Variants in ECPAS observed in about 807,000 individuals in gnomAD.
The protein encoded by ECPAS is Ecm29 proteasome adaptor and scaffold, also known as proteasome adapter and scaffold protein ECM29.
A neutral mutation model predicts 255.1 loss-of-function variants in ECPAS; 70 were observed. The ratio of observed to expected loss-of-function variants is 0.27; its 90% confidence interval spans 0.23 to 0.33. The LOEUF is 0.33. Among genes scored for constraint, ECPAS ranks in the 10% least tolerant of loss-of-function variants. The pLI is 1.00. For missense variants in ECPAS, 1,817 were observed against 2,206.4 expected, an observed-to-expected ratio of 0.82 and a Z score of 3.54; for synonymous variants, 784 against 775.0, an observed-to-expected ratio of 1.01 and a Z score of -0.19.
At position 111,407,339 on chromosome 9, in the gene ECPAS, T is replaced by C. The variant is rs147637193; in HGVS notation, c.2652+1232A>G. ...ATCGCTTGAACCCGGGAGGTGGAGGTTGCAGTGAGCCAAGATCACGCCACT... is the reference window on the plus strand; with the variant it reads ...ATCGCTTGAACCCGGGAGGTGGAGGCTGCAGTGAGCCAAGATCACGCCACT... On this transcript the variant is annotated intron_variant, in intron 24 of 49. Coordinates refer to ENST00000684092, the MANE Select transcript of ECPAS (RefSeq NM_001364929.1). 2.5e-4 allele frequency among the ~76,000 whole-genome samples: 30 copies of C among 120,922 alleles called. 1 individual carries two copies. Among genetic ancestry groups the C allele is most frequent in the African/African-American group, 1.0e-3 (29 of 27,682 alleles). 79.3% of individuals were successfully genotyped at this position (120,922 alleles called of 152,430 possible).
Position 111,394,579 on chromosome 9 carries a change from T to C in ECPAS, c.2777-274A>G, listed in dbSNP as rs2098164965. ...TCTAGTGTCAGCAATTTTTGTCTAC[T>C]AGATGTTTCTCATCTTCCATCTAAA... On this transcript the variant is annotated intron_variant, in intron 25 of 49. Coordinates refer to ENST00000684092, the MANE Select transcript of ECPAS (RefSeq NM_001364929.1). 3.3e-5 allele frequency among the ~76,000 whole-genome samples: 5 copies of C among 152,228 alleles called. No individual in the cohort carries two copies. The South Asian group carries it at 1.0e-3, about 32-fold the overall frequency.
At chr9:111,466,686 T>C (rs969422982) in intron 2 of ECPAS, among the ~76,000 whole-genome samples, 6 of 151,800 alleles carry the variant, frequency 4.0e-5, no homozygotes, top group Non-Finnish European at 8.8e-5. Context: ...GGTTCTGCTG[T>C]TGCCCAAGCT....
intron 48 of ECPAS, among the ~76,000 whole-genome samples, chr9:111,363,984 C>T (rs1248376870): frequency 6.6e-6 from 1 of 152,116 alleles, no homozygotes; most frequent in Non-Finnish European, 1.5e-5. Flanking sequence ...CTTCGTATCA[C>T]GGATAAGAAC....
chr9:111,446,016 T>A (rs2098252444), intron 3 of ECPAS, among the ~76,000 whole-genome samples: 2 of 152,324 alleles, frequency 1.3e-5, no homozygotes, highest in East Asian at 3.9e-4. Context: ...CTCATCCTTT[T>A]TTATGGCTGC....
intron 1 of ECPAS, among the ~76,000 whole-genome samples, chr9:111,475,896 G>T (rs1377369471): frequency 6.6e-6 from 1 of 152,138 alleles, no homozygotes; most frequent in Non-Finnish European, 1.5e-5. Flanking sequence ...TTTCTACAAA[G>T]ATCAGCTTGG....
At chr9:111,474,008 T>C (rs1402689286) in intron 1 of ECPAS, among the ~76,000 whole-genome samples, 1 of 152,134 alleles carries the variant, frequency 6.6e-6, no homozygotes, top group Non-Finnish European at 1.5e-5. Context: ...GTAAGTTTTA[T>C]TATCTCATTT....
At chr9:111,377,480 G>A (rs185475193) in intron 36 of ECPAS, among the ~76,000 whole-genome samples, 1 of 152,184 alleles carries the variant, frequency 6.6e-6, no homozygotes, top group East Asian at 1.9e-4. Flanking sequence ...CAAAGGTACG[G>A]AGAAAAAAAG....
chr9:111,385,484 C>A lies in ECPAS; in HGVS notation c.3528-42G>T. 2.8e-6 allele frequency: 3 copies of A among 1,064,648 alleles called. No individual in the cohort carries two copies. In the South Asian group the frequency reaches 4.3e-5, roughly 15 times the overall value. 66.0% of individuals were successfully genotyped at this position (1,064,648 alleles called of 1,614,324 possible). Reference sequence around the variant, plus strand: ...CATTTCAATATATGATGAAAAAGGTCAGTATTTTACTATGAAACATTTATA... The same window carrying A: ...CATTTCAATATATGATGAAAAAGGTAAGTATTTTACTATGAAACATTTATA... On this transcript the variant is annotated intron_variant, in intron 32 of 49. Transcript: ENST00000684092.
chr9:111,399,689 G>A (rs770068795), intron 24 of ECPAS, among the ~76,000 whole-genome samples: 5 of 152,200 alleles, frequency 3.3e-5, no homozygotes, highest in African/African-American at 7.2e-5. Flanking sequence ...ACTTTGTCTC[G>A]CAACCAGGCA....
At chr9:111,428,581 T>C (rs1419884149) in intron 9 of ECPAS, among the ~76,000 whole-genome samples, 1 of 152,196 alleles carries the variant, frequency 6.6e-6, no homozygotes, top group Non-Finnish European at 1.5e-5. Context: ...CTATAATACA[T>C]TGTTTTGGTT....
intron 46 of ECPAS, 131 bp from the exon 47 acceptor site, chr9:111,366,758 TAAGA>T (rs889442711): frequency 6.4e-6 from 4 of 626,406 alleles, no homozygotes; most frequent in Non-Finnish European, 8.7e-6. Context: ...GTGGGGAGGA[TAAGA>T]GAGAGAAAAG....
In ECPAS at chr9:111,444,512, G is replaced by A. The variant is rs1325142236; in HGVS notation, c.154-18C>T. On this transcript the variant is annotated intron_variant, in intron 3 of 49. Coordinates refer to ENST00000684092, the MANE Select transcript of ECPAS (RefSeq NM_001364929.1). Reference sequence around the variant, plus strand: ...TCCATTACCTAAAATACAGAGAGATGGGAACTAAAGTTATTGATCATATCT... The same window carrying A: ...TCCATTACCTAAAATACAGAGAGATAGGAACTAAAGTTATTGATCATATCT... The A allele has an allele frequency of 6.8e-7, 1 of 1,479,224 alleles. No homozygotes were observed. Among genetic ancestry groups the A allele is most frequent in the African/African-American group, 1.4e-5 (1 of 71,600 alleles). The allele number at this position is 1,479,224 out of a possible 1,614,324, so 91.6% of individuals were successfully genotyped here.
chr9:111,384,553 G>A lies in ECPAS; in HGVS notation c.3650C>T (p.Ala1217Val), dbSNP rs548143396. ...QDDIKESVRK[A>V]AELALKTLSK... ...CAGAGTTTTCAGAGCTAGTTCTGCC[G>A]CTTTTCGTACAGATTCCTAAAAATG... is the stretch of plus-strand genomic sequence containing the variant. The change falls in exon 34 of 50, where the codon GCG (alanine) becomes GTG (valine). Residue 1217 changes from alanine (A) to valine (V), a missense_variant. Physicochemically the swap from Ala to Val is moderately conservative, Grantham distance 64. Coordinates refer to ENST00000684092, the MANE Select transcript of ECPAS (RefSeq NM_001364929.1). The A allele has an allele frequency of 4.0e-5, 65 of 1,613,472 alleles. No homozygotes were observed. Among genetic ancestry groups the A allele is most frequent in the Admixed American group, 2.7e-4 (16 of 59,986 alleles).
At position 111,425,751 on chromosome 9, in the gene ECPAS, A is replaced by C. The variant is rs1321519706; in HGVS notation, c.1128T>G (p.Ile376Met). The part of the protein sequence containing the change: ...RTLSLQFVHH[I>M]CITCPEIKIK... ...AATAGTTAAAGACTTACGTTATACA[A>C]ATATGATGCACAAATTGCAGGGATA... The change falls in exon 11 of 50, where the codon ATT becomes ATG. Residue 376 changes from isoleucine (I) to methionine (M), a missense_variant. Transcript: ENST00000684092. 7.0e-6 allele frequency: 11 copies of C among 1,569,330 alleles called. No homozygotes were observed. Among genetic ancestry groups the C allele is most frequent in the Non-Finnish European group, 9.6e-6 (11 of 1,143,134 alleles).
intron 2 of ECPAS, among the ~76,000 whole-genome samples, chr9:111,469,464 G>A (rs1395136113): frequency 6.6e-6 from 1 of 151,904 alleles, no homozygotes; most frequent in African/African-American, 2.4e-5. Flanking sequence ...AACCCGGGAG[G>A]TGGAGCAGTG....
intron 46 of ECPAS, among the ~76,000 whole-genome samples, chr9:111,367,568 G>A (rs562124366): frequency 1.3e-5 from 2 of 152,162 alleles, no homozygotes; most frequent in South Asian, 4.2e-4. Context: ...GGACTTCCAT[G>A]GCAGTCTATA....
intron 2 of ECPAS, among the ~76,000 whole-genome samples, chr9:111,468,628 TGAGAGA>T (rs199930694): frequency 1.0e-3 from 147 of 140,050 alleles, no homozygotes; most frequent in Non-Finnish European, 1.2e-3. Flanking sequence ...AGAGAGTGAG[TGAGAGA>T]GAGAGAGAGA....
At chr9:111,389,878 A>T in intron 30 of ECPAS, 106 bp downstream of exon 30, 1 of 1,110,878 alleles carries the variant, frequency 9.0e-7, no homozygotes, top group Non-Finnish European at 1.3e-6. Flanking sequence ...CTCATCAGGC[A>T]CAGACTTTCA....
In ECPAS at chr9:111,394,431, T is replaced by C. The variant is rs527743027; in HGVS notation, c.2777-126A>G. On this transcript the variant is annotated intron_variant, in intron 25 of 49. Coordinates refer to ENST00000684092, the MANE Select transcript of ECPAS (RefSeq NM_001364929.1). ...TATATAAAAATCTAAATGGCTAAGG[T>C]GTTTAAAGTTGCTGAAGGAATCAAT... is the stretch of plus-strand genomic sequence containing the variant. 3 of 829,420 alleles carry C rather than the reference T, an allele frequency of 3.6e-6. No homozygotes were observed. In the East Asian group the frequency reaches 9.4e-5, roughly 26 times the overall value. 51.4% of individuals were successfully genotyped at this position (829,420 alleles called of 1,614,324 possible).
Sources: allele counts gnomAD v4.1 joint callset (sites outside exome capture counted in the v4.1 genomes callset), GRCh38; gene constraint gnomAD v4.1.1; transcripts MANE v1.5; gene names NCBI Gene and HGNC (gene_info 2026-07-23, HGNC 2026-07-21).